The following EFR3B variants were observed in gnomAD, a reference collection of about 807,000 sequenced individuals.
The protein encoded by EFR3B is protein EFR3 homolog B.
A neutral mutation model predicts 104.7 loss-of-function variants in EFR3B; 64 were observed. That is an observed-to-expected ratio of 0.61 (90% CI 0.50 to 0.75). The LOEUF (loss-of-function observed/expected upper bound fraction) is 0.75. Ranked by LOEUF, EFR3B falls within the 30% of genes least tolerant of loss-of-function variation. The pLI is 0.00. For missense variants in EFR3B, 750 were observed against 1,078.5 expected (o/e 0.70, Z 4.27); for synonymous variants, 385 against 417.9 (o/e 0.92, Z 0.96).
At chr2:25,083,943 C>T (rs1668878519) in intron 1 of EFR3B, among the ~76,000 whole-genome samples, 2 of 152,150 alleles carry the variant, frequency 1.3e-5, no homozygotes, top group African/African-American at 4.8e-5. Context: ...CCTAGTGGTT[C>T]TCTTTCCACA....
In EFR3B at chr2:25,114,125, G is replaced by A. The variant is rs1669798135; in HGVS notation, c.364-7548G>A. Among the ~76,000 whole-genome samples, 1 of 152,194 alleles carries A rather than the reference G, an allele frequency of 6.6e-6. No individual in the cohort carries two copies. The highest frequency in any genetic ancestry group is 2.4e-5 in the African/African-American group (1 of 41,450). On this transcript the variant is annotated intron_variant, in intron 4 of 22. Transcript: ENST00000403714. The surrounding 1 kb of genome is among the most constrained non-coding windows in gnomAD (Gnocchi z 4.0). ...TTCAAGGTGGACTTCCGCAATAGGT[G>A]TGGTCCTTTGACCAGGGCCCCCGGG...
In EFR3B at chr2:25,136,428, C is replaced by T; in HGVS notation, c.1485-95C>T. On this transcript the variant is annotated intron_variant, in intron 13 of 22. Transcript: ENST00000403714. The surrounding 1 kb of genome is among the most constrained non-coding windows in gnomAD (Gnocchi z 4.0). ...CAGGGGAGCACTGGAGGCTTTGTACCAACTAACAATGTTGGGGATAAAGCT... is the reference window on the plus strand; with the variant it reads ...CAGGGGAGCACTGGAGGCTTTGTACTAACTAACAATGTTGGGGATAAAGCT... 9.9e-7 allele frequency: 1 copy of T among 1,005,508 alleles called. No homozygotes were observed. Among genetic ancestry groups the T allele is most frequent in the Non-Finnish European group, 1.5e-6 (1 of 670,780 alleles). 62.3% of individuals were successfully genotyped at this position (1,005,508 alleles called of 1,614,324 possible).
At chr2:25,082,933 G>A (rs936619627) in intron 1 of EFR3B, among the ~76,000 whole-genome samples, 9 of 152,236 alleles carry the variant, frequency 5.9e-5, no homozygotes, top group Non-Finnish European at 1.3e-4. Context: ...GGACATGAGA[G>A]TGGGAGGTCA....
chr2:25,151,919 A>G lies in EFR3B; in HGVS notation c.2197A>G (p.Ser733Gly). 4 of 1,551,718 alleles carry G rather than the reference A, an allele frequency of 2.6e-6. No homozygotes were observed. Among genetic ancestry groups the G allele is most frequent in the Non-Finnish European group, 3.5e-6 (4 of 1,146,994 alleles). The change falls in exon 21 of 23, where the codon AGC (serine) becomes GGC (glycine). Residue 733 changes from serine (S) to glycine (G), a missense_variant. Transcript: ENST00000403714. Reference protein sequence around the residue: ...YETLKKAIVDSVAVEEQERER... With the variant: ...YETLKKAIVDGVAVEEQERER... ...CCCAGCTCTCTGTGTCGAAGTGGAC[A>G]GCGTAGCAGTGGAGGAGCAGGAGCG...
intron 5 of EFR3B, among the ~76,000 whole-genome samples, chr2:25,127,191 CAAAAAAAAAAAA>C (rs57818903): frequency 5.8e-5 from 3 of 51,736 alleles, no homozygotes; most frequent in African/African-American, 7.4e-5. Context: ...GACTCCACCT[CAAAAAAAAAAAA>C]AAAAAAAAAA....
chr2:25,103,955 C>G (rs1669496456), intron 4 of EFR3B, among the ~76,000 whole-genome samples, 168 bp downstream of exon 4: 1 of 152,020 alleles, frequency 6.6e-6, no homozygotes, highest in Admixed American at 6.5e-5. Context: ...GAACAAAGGG[C>G]CCTTTCATTT....
chr2:25,061,237 C>T (rs963194476), intron 1 of EFR3B, among the ~76,000 whole-genome samples: 2 of 150,736 alleles, frequency 1.3e-5, no homozygotes, highest in African/African-American at 4.9e-5. Flanking sequence ...GATTCTCGTC[C>T]CTCAGCCTCC....
intron 1 of EFR3B, among the ~76,000 whole-genome samples, chr2:25,075,926 T>C (rs924216513): frequency 6.6e-6 from 1 of 152,200 alleles, no homozygotes; most frequent in Admixed American, 6.5e-5. Flanking sequence ...TCACTCAGGC[T>C]GGAGTATGGT....
chr2:25,091,010 C>T (rs968493658), intron 1 of EFR3B, among the ~76,000 whole-genome samples: 6 of 152,164 alleles, frequency 3.9e-5, no homozygotes, highest in Non-Finnish European at 7.3e-5. Flanking sequence ...TTTATGTAAG[C>T]TCCCACCCAC....
intron 1 of EFR3B, among the ~76,000 whole-genome samples, chr2:25,052,128 G>A (rs55644414): frequency 1.3e-5 from 2 of 152,042 alleles, no homozygotes; most frequent in Non-Finnish European, 2.9e-5. Flanking sequence ...CCCGGGAGGC[G>A]GAGGTTGCAG....
chr2:25,080,616 T>C, intron 1 of EFR3B: 1 of 564,220 alleles, frequency 1.8e-6, no homozygotes, highest in Non-Finnish European at 3.2e-6. Context: ...TTATATCTAT[T>C]GAGGCCATGG....
chr2:25,070,040 G>T (rs1305929383), intron 1 of EFR3B, among the ~76,000 whole-genome samples: 2 of 152,170 alleles, frequency 1.3e-5, no homozygotes, highest in Non-Finnish European at 2.9e-5. Flanking sequence ...TTATTCATCA[G>T]GTCCTTGCTG....
chr2:25,042,127 T>C lies in EFR3B; in HGVS notation c.-186T>C. 1 of 415,062 alleles carries C rather than the reference T, an allele frequency of 2.4e-6. No individual in the cohort carries two copies. Among genetic ancestry groups the C allele is most frequent in the Non-Finnish European group, 3.8e-6 (1 of 264,446 alleles). The allele number at this position is 415,062 out of a possible 1,614,324, so 25.7% of individuals were successfully genotyped here. A position where few individuals can be genotyped will look rare whatever the true frequency, so the allele number is the denominator to read the frequency against. On this transcript the variant is annotated 5_prime_UTR_variant, in exon 1 of 23. The change abolishes an upstream ATG in the 5' untranslated region. Coordinates refer to ENST00000403714, the MANE Select transcript of EFR3B (RefSeq NM_014971.2). The surrounding 1 kb of genome is among the most constrained non-coding windows in gnomAD (Gnocchi z 5.4). ...GCGGCCGCTGCAGCCCGGCGCTGAATGGGCTGGCGGCGCCCGGCTCCGTCC... is the reference window on the plus strand; with the variant it reads ...GCGGCCGCTGCAGCCCGGCGCTGAACGGGCTGGCGGCGCCCGGCTCCGTCC...
chr2:25,143,984 G>C, intron 18 of EFR3B, 122 bp downstream of exon 18: 4 of 1,350,054 alleles, frequency 3.0e-6, no homozygotes, highest in Non-Finnish European at 3.9e-6. Flanking sequence ...TGTCGTGAGA[G>C]CTGAAAGACA....
In EFR3B at chr2:25,130,421, A is replaced by G. The variant is rs375143946; in HGVS notation, c.771-131A>G. 3.3e-5 allele frequency: 29 copies of G among 878,518 alleles called. No homozygotes were observed. In the South Asian group the frequency reaches 4.3e-4, roughly 13 times the overall value. 54.4% of individuals were successfully genotyped at this position (878,518 alleles called of 1,614,324 possible). A position where few individuals can be genotyped will look rare whatever the true frequency, so the allele number is the denominator to read the frequency against. ...GACTGGGACTACCCCAAGGCCCTTC[A>G]GGCTTCACTTCCTCACCCGGGAACT... On this transcript the variant is annotated intron_variant, in intron 7 of 22. Coordinates refer to ENST00000403714, the MANE Select transcript of EFR3B (RefSeq NM_014971.2). This position sits in a 1 kb window ranked among gnomAD's most constrained non-coding sequence, Gnocchi z 4.6.
intron 1 of EFR3B, among the ~76,000 whole-genome samples, chr2:25,063,049 G>A (rs890749066): frequency 5.3e-5 from 8 of 151,972 alleles, no homozygotes; most frequent in African/African-American, 1.7e-4. Flanking sequence ...TCAGCCTCCC[G>A]AGTAGTTGGG....
intron 1 of EFR3B, among the ~76,000 whole-genome samples, chr2:25,046,167 C>T (rs1326357325): frequency 4.6e-5 from 7 of 152,156 alleles, no homozygotes; most frequent in Admixed American, 4.6e-4. Context: ...GGGTGGATCA[C>T]CTGAGGTCAG....
At chr2:25,073,954 A>C (rs1668564841) in intron 1 of EFR3B, among the ~76,000 whole-genome samples, 1 of 152,052 alleles carries the variant, frequency 6.6e-6, no homozygotes, top group Non-Finnish European at 1.5e-5. Context: ...AGTATACCCA[A>C]GCCGCTTATA....
chr2:25,122,981 G>T (rs1263390883), intron 5 of EFR3B, among the ~76,000 whole-genome samples: 1 of 152,122 alleles, frequency 6.6e-6, no homozygotes, highest in African/African-American at 2.4e-5. Context: ...TACGGGATAC[G>T]CTTTTACATA....
Sources: gnomAD v4.1 joint callset for allele counts (sites outside exome capture counted in the v4.1 genomes callset) on GRCh38, gnomAD v4.1.1 for gene constraint, Gnocchi (gnomAD v3.1) non-coding constraint, MANE v1.5 for transcripts, NCBI Gene and HGNC (gene_info 2026-07-23, HGNC 2026-07-21) for gene names.